PAN2: variants seen among roughly 807,000 people sequenced by gnomAD.
PAN2 encodes poly(A) specific ribonuclease subunit PAN2.
In PAN2, 68 loss-of-function variants were observed where a neutral mutation model predicts 133.3. The ratio of observed to expected loss-of-function variants is 0.51; its 90% confidence interval spans 0.42 to 0.62. PAN2 has a LOEUF of 0.62. PAN2 is among the 20% of genes least tolerant of loss of function. The pLI, the probability that PAN2 is intolerant of heterozygous loss-of-function variation, is 0.00. For synonymous variants in PAN2, 462 were observed against 544.6 expected, an observed-to-expected ratio of 0.85 and a Z score of 2.11; for missense variants, 1,042 against 1,500.5, an observed-to-expected ratio of 0.69 and a Z score of 5.05.
chr12:56,320,060 G>A (rs9645801), intron 20 of PAN2, 39 bp from the exon 21 acceptor site: 71,167 of 1,606,990 alleles, frequency 0.044, 1,817 homozygotes, highest in Non-Finnish European at 0.049. Flanking sequence ...GCTTGGATAG[G>A]GAAGTGACTA....
Position 56,319,609 on chromosome 12 carries a change from A to C in PAN2, c.3090+12T>G. ...CAGGGTGTGCCTCACTTGCATCTCC[A>C]TATCCTAATACCTGCTCCTGGGTAG... On this transcript the variant is annotated intron_variant, in intron 22 of 25. Coordinates refer to ENST00000440411, the MANE Select transcript of PAN2 (RefSeq NM_014871.6). This position sits in a 1 kb window ranked among gnomAD's most constrained non-coding sequence, Gnocchi z 5.4. 6.2e-7 allele frequency: 1 copy of C among 1,601,608 alleles called. No individual in the cohort carries two copies. The highest frequency in any genetic ancestry group is 8.5e-7 in the Non-Finnish European group (1 of 1,174,196).
chr12:56,326,262 G>T (rs767932154), intron 8 of PAN2, 51 bp downstream of exon 8: 3 of 1,478,228 alleles, frequency 2.0e-6, no homozygotes, highest in South Asian at 2.6e-5. Context: ...AAAAAGATAG[G>T]AGAAACTTCA....
intron 19 of PAN2, 95 bp from the exon 20 acceptor site, chr12:56,322,263 G>A (rs1361051441): frequency 9.3e-7 from 1 of 1,078,102 alleles, no homozygotes; most frequent in Non-Finnish European, 1.4e-6. Flanking sequence ...GCTAGTTTTT[G>A]TTTTTTTTCA....
Position 56,318,352 on chromosome 12 carries a change from T to A in PAN2, c.3447A>T (p.Leu1149=), listed in dbSNP as rs751932434. 1.9e-6 allele frequency: 3 copies of A among 1,613,942 alleles called. No homozygotes were observed. Among genetic ancestry groups the A allele is most frequent in the Admixed American group, 3.3e-5 (2 of 59,990 alleles). Residue 1149 remains leucine (L), a synonymous_variant, in exon 25 of 26, where the codon CTA becomes CTT. Transcript: ENST00000440411. ...ALQLYRKYLE[L]SKNGTEPESF... is the part of the protein sequence containing the mutation. ...ACTCAGGCTCAGTGCCATTTTTGCT[T>A]AGCTCCAGATACTTTCGGTACAGCT...
chr12:56,333,716 G>A (rs566874682), intron 1 of PAN2, 146 bp downstream of exon 1: 3 of 152,716 alleles, frequency 2.0e-5, no homozygotes, highest in South Asian at 2.1e-4. Context: ...GGCAGGGGAA[G>A]GTGACGGAAA....
chr12:56,317,778 G>A lies in PAN2; in HGVS notation c.3563-135C>T, dbSNP rs1376574853. On this transcript the variant is annotated intron_variant, in intron 25 of 25. Transcript: ENST00000440411. ...TGAACATTTTAGACTTGGGCAAGAG[G>A]AAGTTATAGTTAATGGAGAGTTTCG... is the stretch of plus-strand genomic sequence containing the variant. The A allele has an allele frequency of 1.4e-5, 10 of 735,396 alleles. No homozygotes were observed. In the Admixed American group the frequency reaches 2.2e-4, roughly 16 times the overall value. 45.6% of individuals were successfully genotyped at this position (735,396 alleles called of 1,614,324 possible). A position where few individuals can be genotyped will look rare whatever the true frequency, so the allele number is the denominator to read the frequency against.
intron 14 of PAN2, 29 bp downstream of exon 14, chr12:56,323,778 A>C (rs1318934419): frequency 6.5e-7 from 1 of 1,526,802 alleles, no homozygotes; most frequent in East Asian, 2.3e-5. Flanking sequence ...CAGGACCAGG[A>C]CTCTAGTCCA....
In PAN2 at chr12:56,323,852, C is replaced by T; in HGVS notation, c.2127G>A (p.Gln709=). The T allele has an allele frequency of 1.2e-6, 2 of 1,614,052 alleles. No homozygotes were observed. The highest frequency in any genetic ancestry group is 1.7e-6 in the Non-Finnish European group (2 of 1,179,836). ...QVLKRSICLD[Q]NTQAWCDTCE... Reference sequence around the variant, plus strand: ...AGGTGTCACACCAGGCCTGTGTATTCTGGTCCAGGCAGATGCTTCGCTTCA... The same window carrying T: ...AGGTGTCACACCAGGCCTGTGTATTTTGGTCCAGGCAGATGCTTCGCTTCA... Residue 709 remains glutamine, a synonymous_variant, in exon 14 of 26, where the codon CAG becomes CAA. Coordinates refer to ENST00000440411, the MANE Select transcript of PAN2 (RefSeq NM_014871.6).
Position 56,324,803 on chromosome 12 carries a change from G to A in PAN2, c.1600-94C>T, listed in dbSNP as rs1382156856. 1.1e-5 allele frequency: 16 copies of A among 1,496,218 alleles called. No individual in the cohort carries two copies. The Admixed American group carries it at 3.3e-4, about 31-fold the overall frequency. 92.7% of individuals were successfully genotyped at this position (1,496,218 alleles called of 1,614,324 possible). On this transcript the variant is annotated intron_variant, in intron 10 of 25. Transcript: ENST00000440411. ...GTGAGCTGGTGGAGAAAATGTCCCA[G>A]AAGCAGGAGTCCACCGAAGCAGTGA...
chr12:56,318,743 TG>T (rs1289783650), intron 24 of PAN2, among the ~76,000 whole-genome samples: 22 of 152,316 alleles, frequency 1.4e-4, no homozygotes, highest in African/African-American at 5.1e-4. Flanking sequence ...TGTGCATGTT[TG>T]TTACATGGGT....
chr12:56,333,263 G>T (rs1876107606), intron 1 of PAN2, 55 bp from the exon 2 acceptor site: 1 of 638,808 alleles, frequency 1.6e-6, no homozygotes. Flanking sequence ...CTGGTACTTA[G>T]GGTCTTCTAG....
chr12:56,332,171 T>C (rs1174416994), intron 2 of PAN2, among the ~76,000 whole-genome samples: 2 of 152,108 alleles, frequency 1.3e-5, no homozygotes, highest in African/African-American at 4.8e-5. Flanking sequence ...GAATCATTCA[T>C]TAAATATTCT....
intron 2 of PAN2, among the ~76,000 whole-genome samples, chr12:56,330,390 C>T (rs1212731267): frequency 9.2e-6 from 1 of 109,064 alleles, no homozygotes; most frequent in African/African-American, 3.3e-5. Context: ...GACGGAGTCT[C>T]GCTCTGTCGC....
Position 56,326,728 on chromosome 12 carries a change from G to T in PAN2, c.1151C>A (p.Pro384His). ...FALPCLVDSL[P>H]PLDWSQDLLP... The stretch of plus-strand genomic sequence containing the variant: ...CAGGTCCTGGCTCCAGTCCAGAGGA[G>T]GCAGTGAGTCCACGAGACACGGCAA... Residue 384 changes from proline (P) to histidine (H), a missense_variant, in exon 7 of 26, where the codon CCT becomes CAT. Pro to His is a moderately conservative substitution (Grantham distance 77). Coordinates refer to ENST00000440411, the MANE Select transcript of PAN2 (RefSeq NM_014871.6). 1 of 1,614,156 alleles carries T rather than the reference G, an allele frequency of 6.2e-7. No homozygotes were observed. The highest frequency in any genetic ancestry group is 2.2e-5 in the East Asian group (1 of 44,880).
At position 56,317,423 on chromosome 12, in the gene PAN2, C is replaced by A; in HGVS notation, c.*186G>T. 1.6e-6 allele frequency: 1 copy of A among 612,220 alleles called. No homozygotes were observed. Among genetic ancestry groups the A allele is most frequent in the Non-Finnish European group, 3.0e-6 (1 of 337,374 alleles). The allele number at this position is 612,220 out of a possible 1,614,324, so 37.9% of individuals were successfully genotyped here. A position where few individuals can be genotyped will look rare whatever the true frequency, so the allele number is the denominator to read the frequency against. Reference sequence around the variant, plus strand: ...AAGAATGAAGAAGGAATGAATCTGGCTCCTAGAACCTTTGCAACAATTCTG... The same window carrying A: ...AAGAATGAAGAAGGAATGAATCTGGATCCTAGAACCTTTGCAACAATTCTG... On this transcript the variant is annotated 3_prime_UTR_variant, in exon 26 of 26. Coordinates refer to ENST00000440411, the MANE Select transcript of PAN2 (RefSeq NM_014871.6).
At position 56,327,980 on chromosome 12, in the gene PAN2, A is replaced by G. The variant is rs761626120; in HGVS notation, c.651+15T>C. On this transcript the variant is annotated intron_variant, in intron 5 of 25. Transcript: ENST00000440411. ...ACAGGGCCCTGCAGTGGGAGGAGAA[A>G]TGGAACTTGGCCACCTTGCCAGACG... The G allele has an allele frequency of 1.9e-6, 3 of 1,613,774 alleles. No homozygotes were observed. The South Asian group carries it at 3.3e-5, about 18-fold the overall frequency.
At chr12:56,320,579 G>T (rs1403570870) in intron 20 of PAN2, among the ~76,000 whole-genome samples, 4 of 151,958 alleles carry the variant, frequency 2.6e-5, no homozygotes, top group African/African-American at 9.7e-5. Flanking sequence ...GGGAGGCAGA[G>T]GTCGCAGTGA....
Position 56,322,727 on chromosome 12 carries a change from C to A in PAN2, c.2525G>T (p.Gly842Val), listed in dbSNP as rs374756178. ...AGCCATCAGGTCATACACATAGACA[C>A]CATGCTCCTCCTCTGCCCTGGCTGG... ...WGPARAEEEHGVYVYDLMATV... is the reference protein window; with the variant it reads ...WGPARAEEEHVVYVYDLMATV... Residue 842 changes from glycine to valine, a missense_variant, in exon 18 of 26, where the codon GGT becomes GTT. Physicochemically the swap from Gly to Val is moderately radical, Grantham distance 109. Transcript: ENST00000440411. The A allele has an allele frequency of 1.2e-6, 2 of 1,613,840 alleles. No individual in the cohort carries two copies. The highest frequency in any genetic ancestry group is 1.3e-5 in the African/African-American group (1 of 74,910).
Position 56,324,731 on chromosome 12 carries a change from C to T in PAN2, c.1600-22G>A, listed in dbSNP as rs758083807. On this transcript the variant is annotated intron_variant, in intron 10 of 25. Transcript: ENST00000440411. Reference sequence around the variant, plus strand: ...GCACCTGGAGGGAAAAGCAGAAGAACTGATGTAGGAAACTGGCCTGGGGGT... The same window carrying T: ...GCACCTGGAGGGAAAAGCAGAAGAATTGATGTAGGAAACTGGCCTGGGGGT... 7.5e-6 allele frequency: 12 copies of T among 1,606,710 alleles called. No homozygotes were observed. The East Asian group carries it at 2.5e-4, about 33-fold the overall frequency.
Sources: gnomAD v4.1 joint callset for allele counts (sites outside exome capture counted in the v4.1 genomes callset) on GRCh38, gnomAD v4.1.1 for gene constraint, Gnocchi (gnomAD v3.1) non-coding constraint, MANE v1.5 for transcripts, NCBI Gene and HGNC (gene_info 2026-07-23, HGNC 2026-07-21) for gene names.